Variants in MYOM1 observed in about 807,000 individuals in gnomAD.
MYOM1 encodes the protein myomesin 1.
In MYOM1, 164 loss-of-function variants were observed where a neutral mutation model predicts 205.3. The ratio of observed to expected loss-of-function variants is 0.80; its 90% confidence interval spans 0.70 to 0.91. The LOEUF (loss-of-function observed/expected upper bound fraction) is 0.91. Ranked by LOEUF, MYOM1 falls within the 40% of genes least tolerant of loss-of-function variation. The pLI is 0.00. For synonymous variants in MYOM1, 772 were observed against 789.4 expected (o/e 0.98, Z 0.37); for missense variants, 2,011 against 2,127.3 (o/e 0.95, Z 1.08).
the MYOM1 span, among the ~76,000 whole-genome samples, chr18:3,237,793 G>A: frequency 5.3e-5 from 8 of 152,178 alleles, no homozygotes; most frequent in African/African-American, 1.7e-4. Flanking sequence ...CTGGGGGAAG[G>A]GAGGAATGGG....
intron 2 of MYOM1, among the ~76,000 whole-genome samples, 157 bp downstream of exon 2, chr18:3,214,777 G>C (rs2081237205): frequency 6.6e-6 from 1 of 152,288 alleles, no homozygotes; most frequent in South Asian, 2.1e-4. Context: ...AGGGAGCCGA[G>C]ATCACGCCAT....
At chr18:3,174,238 T>C (rs1567950053) in intron 6 of MYOM1, 30 bp from the exon 7 acceptor site, 2 of 1,581,418 alleles carry the variant, frequency 1.3e-6, no homozygotes, top group Non-Finnish European at 1.7e-6. Flanking sequence ...TGAATATCCA[T>C]CGTAGTGACA....
chr18:3,176,451 T>C (rs950313845), intron 5 of MYOM1, among the ~76,000 whole-genome samples: 4 of 140,754 alleles, frequency 2.8e-5, no homozygotes, highest in African/African-American at 8.1e-5. Flanking sequence ...AGCAGAATGA[T>C]TGCTTTTATA....
At chr18:3,191,887 C>T (rs111385915) in intron 3 of MYOM1, among the ~76,000 whole-genome samples, 75 of 151,884 alleles carry the variant, frequency 4.9e-4, no homozygotes, top group South Asian at 4.0e-3. Flanking sequence ...TAGTAGAGAC[C>T]GGGTTTCACC....
chr18:3,149,273 G>C, intron 12 of MYOM1, 72 bp from the exon 13 acceptor site: 7 of 1,296,360 alleles, frequency 5.4e-6, no homozygotes, highest in Non-Finnish European at 7.7e-6. Context: ...TGATGAATTG[G>C]GAAAGTGGCC....
At chr18:3,166,614 T>C (rs11659256) in intron 9 of MYOM1, among the ~76,000 whole-genome samples, 15,465 of 152,192 alleles carry the variant, frequency 0.1, 1,733 homozygotes, top group African/African-American at 0.28. Context: ...TAACTAATTA[T>C]GTAACTTTCA....
At chr18:3,157,689 T>A (rs1037238059) in intron 10 of MYOM1, among the ~76,000 whole-genome samples, 83 of 105,076 alleles carry the variant, frequency 7.9e-4, no homozygotes, top group Non-Finnish European at 1.3e-3. Context: ...AAAATAATAA[T>A]AATAATAATA....
intron 36 of MYOM1, among the ~76,000 whole-genome samples, chr18:3,073,573 A>G (rs2078985846): frequency 6.6e-6 from 1 of 152,344 alleles, no homozygotes. Context: ...ATACTGGGCC[A>G]GTCACTTCAC....
chr18:3,220,275 C>T (rs1205989060), upstream of MYOM1, among the ~76,000 whole-genome samples: 5 of 152,076 alleles, frequency 3.3e-5, no homozygotes, highest in Non-Finnish European at 7.4e-5. Context: ...AAATGGACTT[C>T]GTGGAATTTT....
At chr18:3,126,975 CAT>C (rs2079796804) in intron 18 of MYOM1, 78 bp from the exon 19 acceptor site, 15 of 1,287,214 alleles carry the variant, frequency 1.2e-5, no homozygotes, top group Admixed American at 1.1e-4. Context: ...ATGGGTGCCA[CAT>C]ATGAGGGCAC....
chr18:3,246,961 G>A, the MYOM1 span: 1 of 152,230 alleles, frequency 6.6e-6, no homozygotes. Context: ...GCAGACCTCA[G>A]GAGAAATAGG....
the MYOM1 span, among the ~76,000 whole-genome samples, chr18:3,241,312 G>A: frequency 6.6e-6 from 1 of 152,124 alleles, no homozygotes; most frequent in Non-Finnish European, 1.5e-5. Context: ...CCAGGTCCAG[G>A]GTCCCTATGC....
intron 36 of MYOM1, among the ~76,000 whole-genome samples, chr18:3,072,860 G>C (rs1023100525): frequency 6.6e-6 from 1 of 152,118 alleles, no homozygotes; most frequent in Non-Finnish European, 1.5e-5. Flanking sequence ...GATCTCTATG[G>C]ACAGCCTCCA....
chr18:3,156,067 T>C (rs2080297855), intron 10 of MYOM1, among the ~76,000 whole-genome samples: 1 of 152,112 alleles, frequency 6.6e-6, no homozygotes, highest in South Asian at 2.1e-4. Flanking sequence ...ACAGCTGAAT[T>C]AGTGAATCAG....
At position 3,151,968 on chromosome 18, in the gene MYOM1, C is replaced by A. The variant is rs2143992895; in HGVS notation, c.1644-75G>T. 8 of 1,441,480 alleles carry A rather than the reference C, an allele frequency of 5.5e-6. No individual in the cohort carries two copies. The East Asian group carries it at 1.7e-4, about 30-fold the overall frequency. The allele number at this position is 1,441,480 out of a possible 1,614,324, so 89.3% of individuals were successfully genotyped here. ...ATGAATATCTCCAGAGCTGCAGAAT[C>A]ACCCAGTTGTTTCAGATCTTCTCCC... On this transcript the variant is annotated intron_variant, in intron 11 of 37. Transcript: ENST00000356443.
intron 5 of MYOM1, among the ~76,000 whole-genome samples, chr18:3,181,732 ATTTTTT>A (rs11448786): frequency 7.9e-6 from 1 of 127,058 alleles, no homozygotes; most frequent in Non-Finnish European, 1.6e-5. Context: ...AAACTGAATA[ATTTTTT>A]TTTTTTTTTT....
intron 19 of MYOM1, among the ~76,000 whole-genome samples, chr18:3,124,551 G>A (rs1303208953): frequency 2.0e-5 from 3 of 151,224 alleles, no homozygotes; most frequent in East Asian, 2.0e-4. Flanking sequence ...GGATAGTCTC[G>A]ATCTCCTGAC....
At chr18:3,089,791 G>A (rs1042137516) in intron 27 of MYOM1, among the ~76,000 whole-genome samples, 195 bp from the exon 28 acceptor site, 1 of 152,144 alleles carries the variant, frequency 6.6e-6, no homozygotes, top group Non-Finnish European at 1.5e-5. Context: ...ATAAAGCTAG[G>A]AAACAGTGAC....
chr18:3,072,371 T>TTTTTTTTTTTTGG (rs2078969735), intron 36 of MYOM1, among the ~76,000 whole-genome samples: 1 of 132,414 alleles, frequency 7.6e-6, no homozygotes, highest in Non-Finnish European at 1.6e-5. Context: ...TTTTTTTTTT[T>TTTTTTTTTTTTGG]GAGGCAGAGT....
Sources: gnomAD v4.1 joint callset for allele counts (sites outside exome capture counted in the v4.1 genomes callset) on GRCh38, gnomAD v4.1.1 for gene constraint, MANE v1.5 for transcripts, NCBI Gene and HGNC (gene_info 2026-07-23, HGNC 2026-07-21) for gene names.